TSTD2: variants seen among roughly 807,000 people sequenced by gnomAD.
TSTD2 encodes thiosulfate sulfurtransferase like domain containing 2.
In TSTD2, 37 loss-of-function variants were observed where a neutral mutation model predicts 47.9. The observed-to-expected ratio is 0.77, with a 90% CI of 0.59 to 1.02. The LOEUF (loss-of-function observed/expected upper bound fraction) is 1.02, where lower values mean the gene tolerates loss of function less well. Among genes scored for constraint, TSTD2 ranks in the 50% least tolerant of loss-of-function variants. The pLI is 0.00. For missense variants in TSTD2, 586 were observed against 616.0 expected (o/e 0.95, Z 0.52); for synonymous variants, 201 against 215.9 (o/e 0.93, Z 0.61).
chr9:97,623,390 A>C (rs904305418), intron 3 of TSTD2, among the ~76,000 whole-genome samples: 1 of 152,320 alleles, frequency 6.6e-6, no homozygotes, highest in East Asian at 1.9e-4. Context: ...CCAGTCTTGG[A>C]TATGTCTTTA....
chr9:97,607,657 C>A (rs936220412), intron 6 of TSTD2, among the ~76,000 whole-genome samples: 20 of 152,238 alleles, frequency 1.3e-4, no homozygotes, highest in African/African-American at 4.8e-4. Flanking sequence ...AATCCTAATG[C>A]TTTGGGAAGC....
In TSTD2 at chr9:97,604,715, G is replaced by A. The variant is rs1035705337; in HGVS notation, c.1252+12C>T. On this transcript the variant is annotated intron_variant, in intron 9 of 9. Transcript: ENST00000341170. ...TCATTTCAGTTTGGGCTCTGAGCCT[G>A]TGCTGACCTACCTGACACCACATCA... 1 of 1,614,092 alleles carries A rather than the reference G, an allele frequency of 6.2e-7. No homozygotes were observed. Among genetic ancestry groups the A allele is most frequent in the Non-Finnish European group, 8.5e-7 (1 of 1,179,954 alleles).
intron 4 of TSTD2, 99 bp downstream of exon 4, chr9:97,617,653 GAACTC>G (rs1419102245): frequency 6.5e-6 from 9 of 1,393,776 alleles, no homozygotes; most frequent in African/African-American, 4.3e-5. Flanking sequence ...TAACTTTTAA[GAACTC>G]AACAGTGAAT....
At chr9:97,605,777 TTTCAAC>T (rs1826355631) in intron 7 of TSTD2, 136 bp from the exon 8 acceptor site, 1 of 1,171,462 alleles carries the variant, frequency 8.5e-7, no homozygotes. Flanking sequence ...CACTCTGACC[TTTCAAC>T]TTCAAGATCT....
intron 6 of TSTD2, among the ~76,000 whole-genome samples, chr9:97,610,035 C>G (rs914390442): frequency 2.0e-5 from 3 of 152,184 alleles, no homozygotes; most frequent in Admixed American, 2.0e-4. Context: ...TTGCTCTATT[C>G]TGCTAATGAA....
At position 97,606,082 on chromosome 9, in the gene TSTD2, C is replaced by T. The variant is rs555052012; in HGVS notation, c.954+61G>A. 2.4e-5 allele frequency: 30 copies of T among 1,232,634 alleles called. No individual in the cohort carries two copies. In the African/African-American group the frequency reaches 3.7e-4, roughly 15 times the overall value. The allele number at this position is 1,232,634 out of a possible 1,614,324, so 76.4% of individuals were successfully genotyped here. ...ACACAAGGTCCCCTTGGGAAATATACCACACTGTGGGAATGGGGAGATCTA... is the reference window on the plus strand; with the variant it reads ...ACACAAGGTCCCCTTGGGAAATATATCACACTGTGGGAATGGGGAGATCTA... On this transcript the variant is annotated intron_variant, in intron 7 of 9. Coordinates refer to ENST00000341170, the MANE Select transcript of TSTD2 (RefSeq NM_139246.5).
intron 6 of TSTD2, 67 bp from the exon 7 acceptor site, chr9:97,606,328 C>T (rs1341848576): frequency 1.1e-6 from 1 of 877,400 alleles, no homozygotes; most frequent in South Asian, 1.6e-5. Flanking sequence ...TCATGACTCA[C>T]CCAGCCTGAC....
At chr9:97,619,499 ATTTTCTTT>A (rs1391144384) in intron 3 of TSTD2, among the ~76,000 whole-genome samples, 3 of 151,214 alleles carry the variant, frequency 2.0e-5, no homozygotes, top group African/African-American at 4.9e-5. Flanking sequence ...ATGTATTACG[ATTTTCTTT>A]TTTTCTTTTT....
chr9:97,604,720 GACCT>G lies in TSTD2; in HGVS notation c.1252+3_1252+6del, dbSNP rs749802997. ...TCAGTTTGGGCTCTGAGCCTGTGCT[GACCT>G]ACCTGACACCACATCACTGTTGTAG... is the stretch of plus-strand genomic sequence containing the variant. On this transcript the variant is annotated splice_donor_5th_base_variant and intron_variant, in intron 9 of 9. Transcript: ENST00000341170. 6.2e-7 allele frequency: 1 copy of G among 1,614,120 alleles called. No homozygotes were observed. Among genetic ancestry groups the G allele is most frequent in the East Asian group, 2.2e-5 (1 of 44,890 alleles).
intron 6 of TSTD2, among the ~76,000 whole-genome samples, chr9:97,606,968 A>G (rs1156559744): frequency 6.6e-6 from 1 of 152,082 alleles, no homozygotes; most frequent in Non-Finnish European, 1.5e-5. Flanking sequence ...ATACAAGGGG[A>G]AGCCTGGGGA....
At chr9:97,626,923 T>TGAA (rs1382311406) in intron 2 of TSTD2, among the ~76,000 whole-genome samples, 1 of 78,462 alleles carries the variant, frequency 1.3e-5, no homozygotes, top group Non-Finnish European at 2.7e-5. Flanking sequence ...AATGCTACCC[T>TGAA]ATTTTTTTTT....
intron 4 of TSTD2, among the ~76,000 whole-genome samples, chr9:97,613,095 G>C (rs1163647930): frequency 6.6e-6 from 1 of 152,248 alleles, no homozygotes; most frequent in Admixed American, 6.5e-5. Context: ...CCACTCACTT[G>C]CATGTAGCTG....
intron 1 of TSTD2, among the ~76,000 whole-genome samples, chr9:97,628,773 T>A (rs975457671): frequency 2.6e-5 from 4 of 152,104 alleles, no homozygotes; most frequent in African/African-American, 4.8e-5. Context: ...AAGCTCTCAT[T>A]CTGAGATGCT....
chr9:97,632,095 C>T (rs1826832117), intron 1 of TSTD2, among the ~76,000 whole-genome samples: 1 of 152,242 alleles, frequency 6.6e-6, no homozygotes, highest in African/African-American at 2.4e-5. Context: ...CTAGGAGGTG[C>T]TAAATGCTAA....
At chr9:97,617,427 C>T (rs1053413124) in intron 4 of TSTD2, among the ~76,000 whole-genome samples, 1 of 152,212 alleles carries the variant, frequency 6.6e-6, no homozygotes, top group Non-Finnish European at 1.5e-5. Context: ...TAGTTTTATT[C>T]AAACACAGCC....
rs182344366 is a variant in TSTD2, at chr9:97,625,923, T to C, written c.240A>G (p.Lys80=). ...GGTCTGTGAATAGCTGCCGACAGCATTTCCACAATTTTTCTTTACATTCAA... is the reference window on the plus strand; with the variant it reads ...GGTCTGTGAATAGCTGCCGACAGCACTTCCACAATTTTTCTTTACATTCAA... ...RSFECKEKLW[K]CCRQLFTDQT... The change falls in exon 3 of 10, where the codon AAA becomes AAG. Residue 80 remains lysine (K), a synonymous_variant. Transcript: ENST00000341170. 2.0e-5 allele frequency: 32 copies of C among 1,614,010 alleles called. No homozygotes were observed. In the African/African-American group the frequency reaches 4.1e-4, roughly 21 times the overall value.
intron 1 of TSTD2, among the ~76,000 whole-genome samples, 199 bp from the exon 2 acceptor site, chr9:97,627,811 G>C (rs1176131297): frequency 6.6e-6 from 1 of 152,192 alleles, no homozygotes; most frequent in Non-Finnish European, 1.5e-5. Flanking sequence ...AGCAGTAAAC[G>C]AAAGTGAAAA....
chr9:97,617,236 C>G (rs1389310833), intron 4 of TSTD2, among the ~76,000 whole-genome samples: 1 of 152,072 alleles, frequency 6.6e-6, no homozygotes, highest in Non-Finnish European at 1.5e-5. Context: ...GAAGAGCACT[C>G]TAGAGAGGAA....
chr9:97,612,676 C>G (rs1244225725), intron 4 of TSTD2, among the ~76,000 whole-genome samples: 1 of 152,246 alleles, frequency 6.6e-6, no homozygotes, highest in South Asian at 2.1e-4. Context: ...CTACCTCAGC[C>G]TCCTGAGTAG....
Sources: allele counts gnomAD v4.1 joint callset (sites outside exome capture counted in the v4.1 genomes callset), GRCh38; gene constraint gnomAD v4.1.1; transcripts MANE v1.5; gene names NCBI Gene and HGNC (gene_info 2026-07-23, HGNC 2026-07-21).